DAW1: variants seen among roughly 807,000 people sequenced by gnomAD.
DAW1 encodes dynein assembly factor with WD repeats 1.
DAW1 carries 47 observed loss-of-function variants against 56.5 expected under a neutral mutation model. The ratio of observed to expected loss-of-function variants is 0.83; its 90% CI spans 0.66 to 1.06. The LOEUF (loss-of-function observed/expected upper bound fraction) is 1.06, where lower values mean the gene tolerates loss of function less well. Ranked by LOEUF, DAW1 falls within the 50% of genes least tolerant of loss-of-function variation. The pLI is 0.00. For missense variants in DAW1, 505 were observed against 499.3 expected (o/e 1.01, Z -0.11); for synonymous variants, 190 against 179.0 (o/e 1.06, Z -0.49).
chr2:227,920,366 C>T (rs1413649366), intron 11 of DAW1, among the ~76,000 whole-genome samples: 1 of 152,104 alleles, frequency 6.6e-6, no homozygotes, highest in Non-Finnish European at 1.5e-5. Context: ...ACAGATACGG[C>T]CCTGCCCTCC....
intron 10 of DAW1, among the ~76,000 whole-genome samples, chr2:227,910,438 A>G (rs112704984): frequency 6.6e-6 from 1 of 151,756 alleles, no homozygotes; most frequent in African/African-American, 2.4e-5. Flanking sequence ...TGCCACTATA[A>G]TCCAGTCTGA....
Position 227,890,768 on chromosome 2 carries a change from G to A in DAW1, c.259-487G>A, listed in dbSNP as rs375139779. Among the ~76,000 whole-genome samples the A allele has an allele frequency of 4.5e-4, 69 of 152,344 alleles. No homozygotes were observed. In the South Asian group the frequency reaches 0.014, roughly 30 times the overall value. ...CTCCAAAGGGAACATTTTTGATGGT[G>A]AAAGTAGATGCTATTCATAGTTACA... On this transcript the variant is annotated intron_variant, in intron 3 of 12. Transcript: ENST00000309931.
intron 6 of DAW1, among the ~76,000 whole-genome samples, chr2:227,901,839 C>T (rs1559309087): frequency 6.6e-6 from 1 of 152,108 alleles, no homozygotes; most frequent in African/African-American, 2.4e-5. Context: ...TTTACTCAAA[C>T]ATATTTACAG....
intron 12 of DAW1, 74 bp from the exon 13 acceptor site, chr2:227,923,860 G>A (rs1692164107): frequency 6.4e-7 from 1 of 1,574,224 alleles, no homozygotes; most frequent in Non-Finnish European, 8.7e-7. Flanking sequence ...CCCAGAAAAT[G>A]TCAACTTGTA....
At chr2:227,912,930 G>A (rs1301550391) in intron 10 of DAW1, among the ~76,000 whole-genome samples, 2 of 152,124 alleles carry the variant, frequency 1.3e-5, no homozygotes, top group African/African-American at 4.8e-5. Context: ...TGATGGTCAT[G>A]TTTGATGCCC....
chr2:227,915,646 T>C (rs1691934258), intron 10 of DAW1, among the ~76,000 whole-genome samples: 1 of 152,108 alleles, frequency 6.6e-6, no homozygotes, highest in African/African-American at 2.4e-5. Context: ...CTGTCTGTAG[T>C]AAATCCTATG....
At chr2:227,904,639 T>C (rs1691634199) in intron 7 of DAW1, among the ~76,000 whole-genome samples, 1 of 152,202 alleles carries the variant, frequency 6.6e-6, no homozygotes. Flanking sequence ...CTTTTGTTTT[T>C]AATCAATATT....
At chr2:227,907,028 A>C (rs1691701124) in intron 9 of DAW1, 110 bp from the exon 10 acceptor site, 1 of 668,506 alleles carries the variant, frequency 1.5e-6, no homozygotes. Context: ...TGATTTTTGC[A>C]CAGTTATTTA....
intron 10 of DAW1, among the ~76,000 whole-genome samples, chr2:227,912,798 A>C (rs1306795898): frequency 1.3e-5 from 2 of 152,164 alleles, no homozygotes; most frequent in African/African-American, 4.8e-5. Flanking sequence ...GATAAACATG[A>C]TAATTGTGGA....
chr2:227,874,443 C>CT (rs1690829319), intron 1 of DAW1, among the ~76,000 whole-genome samples: 1 of 152,196 alleles, frequency 6.6e-6, no homozygotes, highest in South Asian at 2.1e-4. Flanking sequence ...AAACTGCCCA[C>CT]TTTAAGATCT....
intron 6 of DAW1, among the ~76,000 whole-genome samples, 198 bp downstream of exon 6, chr2:227,898,479 C>G (rs1412217322): frequency 2.0e-5 from 3 of 151,958 alleles, no homozygotes; most frequent in Non-Finnish European, 4.4e-5. Context: ...CGCCACCACG[C>G]CCCGCTAATT....
intron 1 of DAW1, 134 bp downstream of exon 1, chr2:227,871,863 C>T (rs1690758390): frequency 9.6e-7 from 1 of 1,045,848 alleles, no homozygotes; most frequent in Non-Finnish European, 1.4e-6. Context: ...CGGGCACTTC[C>T]CAACCTGTGC....
chr2:227,876,507 A>G, intron 1 of DAW1: 1 of 1,302,350 alleles, frequency 7.7e-7, no homozygotes, highest in Non-Finnish European at 1.0e-6. Context: ...GGGTGTTTCA[A>G]TAATAGCATT....
chr2:227,915,866 T>C (rs762761698), intron 10 of DAW1, among the ~76,000 whole-genome samples: 13 of 152,168 alleles, frequency 8.5e-5, no homozygotes, highest in Non-Finnish European at 1.8e-4. Flanking sequence ...TACTATTGTC[T>C]ATATCATGTC....
chr2:227,905,794 G>A (rs895845867), intron 8 of DAW1, among the ~76,000 whole-genome samples: 2 of 152,172 alleles, frequency 1.3e-5, no homozygotes, highest in South Asian at 2.1e-4. Context: ...TCGCTCTGTT[G>A]CCCAGGCTGG....
At chr2:227,875,096 C>T (rs891599023) in intron 1 of DAW1, among the ~76,000 whole-genome samples, 1 of 152,192 alleles carries the variant, frequency 6.6e-6, no homozygotes. Flanking sequence ...CTCCCATGGT[C>T]TTCCCCATCT....
intron 4 of DAW1, among the ~76,000 whole-genome samples, chr2:227,892,080 A>G (rs1360389773): frequency 6.6e-6 from 1 of 152,026 alleles, no homozygotes; most frequent in Non-Finnish European, 1.5e-5. Flanking sequence ...TGTTCTTATA[A>G]GGATGTATTG....
intron 10 of DAW1, chr2:227,912,392 G>A (rs988684463): frequency 4.6e-6 from 6 of 1,304,676 alleles, no homozygotes; most frequent in Non-Finnish European, 6.1e-6. Context: ...CATGTTTGAT[G>A]TTATCCGGTG....
intron 1 of DAW1, among the ~76,000 whole-genome samples, chr2:227,880,101 A>G (rs1171496542): frequency 6.6e-6 from 1 of 152,190 alleles, no homozygotes. Flanking sequence ...TTTTATATTC[A>G]ATAGTACATT....
Sources: gnomAD v4.1 joint callset for allele counts (sites outside exome capture counted in the v4.1 genomes callset) on GRCh38, gnomAD v4.1.1 for gene constraint, MANE v1.5 for transcripts, NCBI Gene and HGNC (gene_info 2026-07-23, HGNC 2026-07-21) for gene names.